TENM3: variants seen among roughly 807,000 people sequenced by gnomAD.
TENM3 encodes the protein teneurin-3.
TENM3 carries 63 observed loss-of-function variants against 255.1 expected under a neutral mutation model. The observed-to-expected ratio is 0.25, with a 90% CI of 0.20 to 0.30. The LOEUF is 0.30. TENM3 is among the 10% of genes least tolerant of loss of function. The pLI is 1.00. For synonymous variants in TENM3, 1,306 were observed against 1,322.3 expected (o/e 0.99, Z 0.27); for missense variants, 2,929 against 3,461.1 (o/e 0.85, Z 3.86).
Position 182,591,606 on chromosome 4 carries a change from C to T in TENM3, c.512-9318C>T, listed in dbSNP as rs528353933. Reference sequence around the variant, plus strand: ...CAGGCAACTATCTGACAGATATTTACGGTGGTGAAAATTTTTACACAGTAC... The same window carrying T: ...CAGGCAACTATCTGACAGATATTTATGGTGGTGAAAATTTTTACACAGTAC... On this transcript the variant is annotated intron_variant, in intron 3 of 27. Transcript: ENST00000511685. Among the ~76,000 whole-genome samples, 112 of 152,232 alleles carry T rather than the reference C, an allele frequency of 7.4e-4. 1 individual carries two copies. The highest frequency in any genetic ancestry group is 1.3e-3 in the Admixed American group (20 of 15,298).
At chr4:181,878,307 GA>G in the TENM3 span, among the ~76,000 whole-genome samples, 2 of 151,312 alleles carry the variant, frequency 1.3e-5, no homozygotes, top group African/African-American at 4.8e-5. Context: ...AAAATGGGGG[GA>G]AAGGAAAGAA....
chr4:182,675,292 C>A (rs1027316522), intron 7 of TENM3, among the ~76,000 whole-genome samples: 12 of 151,870 alleles, frequency 7.9e-5, no homozygotes, highest in African/African-American at 2.9e-4. Context: ...GCCTGTAATC[C>A]CAGCACCAGG....
intron 4 of TENM3, among the ~76,000 whole-genome samples, chr4:182,608,658 C>T (rs898115471): frequency 2.6e-4 from 40 of 152,268 alleles, no homozygotes; most frequent in African/African-American, 8.7e-4. Flanking sequence ...GGGAGGGATT[C>T]TGGCGTCCTA....
intron 3 of TENM3, among the ~76,000 whole-genome samples, chr4:182,452,544 G>A (rs901756666): frequency 6.6e-6 from 1 of 152,126 alleles, no homozygotes; most frequent in Non-Finnish European, 1.5e-5. Flanking sequence ...GGAGCAGGCG[G>A]GTTCCCAAAG....
the TENM3 span, among the ~76,000 whole-genome samples, chr4:181,601,857 A>G: frequency 6.6e-6 from 1 of 152,142 alleles, no homozygotes; most frequent in Non-Finnish European, 1.5e-5. Flanking sequence ...GTAGGGGGAC[A>G]TGAATCAGTC....
At chr4:182,449,791 A>C (rs375488714) in intron 3 of TENM3, among the ~76,000 whole-genome samples, 87 of 152,358 alleles carry the variant, frequency 5.7e-4, no homozygotes, top group African/African-American at 2.0e-3. Flanking sequence ...GAGAAATTCA[A>C]CTTTGCAGTT....
At chr4:181,454,619 A>G in the TENM3 span, among the ~76,000 whole-genome samples, 6 of 88,492 alleles carry the variant, frequency 6.8e-5, no homozygotes, top group Admixed American at 1.1e-4. Context: ...AACCATTTGT[A>G]TATCATTTTT....
chr4:182,480,858 A>G (rs778277954), intron 3 of TENM3, among the ~76,000 whole-genome samples: 6 of 152,156 alleles, frequency 3.9e-5, no homozygotes, highest in African/African-American at 1.4e-4. Flanking sequence ...CTGAACTGAC[A>G]TATTTTTAGG....
the TENM3 span, among the ~76,000 whole-genome samples, chr4:181,909,042 C>T: frequency 1.6e-4 from 24 of 152,272 alleles, no homozygotes; most frequent in African/African-American, 5.8e-4. Flanking sequence ...TTCAACTTGA[C>T]TTCTGCCTTT....
At chr4:182,701,471 C>G (rs556840799) in intron 12 of TENM3, among the ~76,000 whole-genome samples, 2 of 152,068 alleles carry the variant, frequency 1.3e-5, no homozygotes, top group South Asian at 4.2e-4. Flanking sequence ...CCGCCCACCT[C>G]GGCCTCCCAA....
chr4:182,166,088 G>GT (rs1275040258), intron 1 of TENM3, among the ~76,000 whole-genome samples: 1 of 152,126 alleles, frequency 6.6e-6, no homozygotes, highest in Non-Finnish European at 1.5e-5. Context: ...TGTAAAAGCA[G>GT]TTTTTTAAAA....
the TENM3 span, among the ~76,000 whole-genome samples, chr4:182,137,338 C>CAG: frequency 6.9e-6 from 1 of 145,206 alleles, no homozygotes; most frequent in Non-Finnish European, 1.5e-5. Context: ...CCACCTCCCC[C>CAG]CCCCCAAAAA....
chr4:182,641,346 T>C (rs1050850768), intron 5 of TENM3, among the ~76,000 whole-genome samples: 4 of 152,222 alleles, frequency 2.6e-5, no homozygotes, highest in African/African-American at 9.6e-5. Flanking sequence ...TCTCCATATT[T>C]CAATAGTTGG....
chr4:182,160,012 C>CTTTTTTTTTTTTTTTTT (rs71605052), intron 1 of TENM3, among the ~76,000 whole-genome samples: 1 of 151,096 alleles, frequency 6.6e-6, no homozygotes. Flanking sequence ...TATTCCGGTT[C>CTTTTTTTTTTTTTTTTT]TTTTTTTTGA....
the TENM3 span, among the ~76,000 whole-genome samples, chr4:181,953,286 CATCATCATCATG>C: frequency 2.6e-4 from 40 of 152,080 alleles, no homozygotes; most frequent in African/African-American, 8.7e-4. Context: ...CCATCATCAT[CATCATCATCATG>C]ATCATCAGTC....
At chr4:181,638,388 A>G in the TENM3 span, among the ~76,000 whole-genome samples, 4 of 152,212 alleles carry the variant, frequency 2.6e-5, no homozygotes, top group African/African-American at 9.6e-5. Flanking sequence ...GGCTGCATAG[A>G]AAAATACTTA....
intron 3 of TENM3, among the ~76,000 whole-genome samples, chr4:182,378,298 G>C (rs1464574614): frequency 6.6e-6 from 1 of 152,232 alleles, no homozygotes; most frequent in African/African-American, 2.4e-5. Context: ...CAAACAGACA[G>C]GTTCCCTGTC....
intron 2 of TENM3, among the ~76,000 whole-genome samples, chr4:182,341,065 G>A (rs997218087): frequency 2.0e-5 from 3 of 152,138 alleles, no homozygotes; most frequent in Non-Finnish European, 4.4e-5. Context: ...ATGCTCCCAT[G>A]TATCTTACAA....
intron 3 of TENM3, among the ~76,000 whole-genome samples, chr4:182,430,668 T>A (rs1771554949): frequency 6.6e-6 from 1 of 151,918 alleles, no homozygotes; most frequent in African/African-American, 2.4e-5. Flanking sequence ...GGATATTAGG[T>A]TTGGCTTTGT....
Sources: gnomAD v4.1 joint callset for allele counts (sites outside exome capture counted in the v4.1 genomes callset) on GRCh38, gnomAD v4.1.1 for gene constraint, MANE v1.5 for transcripts, NCBI Gene and HGNC (gene_info 2026-07-23, HGNC 2026-07-21) for gene names.